Variants in SYT14 observed in about 807,000 individuals in gnomAD.
SYT14 encodes the protein synaptotagmin 14, also known as synaptotagmin-14.
A neutral mutation model predicts 74.2 loss-of-function variants in SYT14; 32 were observed. The observed-to-expected ratio is 0.43, with a 90% confidence interval of 0.33 to 0.58. The LOEUF is 0.58. SYT14 is among the 20% of genes least tolerant of loss of function. The pLI, the probability that SYT14 is intolerant of heterozygous loss-of-function variation, is 0.05. For synonymous variants in SYT14, 298 were observed against 337.7 expected, an observed-to-expected ratio of 0.88 and a Z score of 1.29; for missense variants, 791 against 981.8, an observed-to-expected ratio of 0.81 and a Z score of 2.60.
intron 8 of SYT14, chr1:210,156,939 C>G (rs2083282077): frequency 3.2e-6 from 1 of 315,474 alleles, no homozygotes; most frequent in African/African-American, 2.1e-5. Context: ...GGTGATCCAT[C>G]CACTTCGGCC....
At chr1:210,094,033 G>A (rs2081924461) in intron 5 of SYT14, among the ~76,000 whole-genome samples, 1 of 61,708 alleles carries the variant, frequency 1.6e-5, no homozygotes, top group African/African-American at 1.7e-4. Flanking sequence ...AGACAAATAA[G>A]CTGTTTAATA....
intron 7 of SYT14, among the ~76,000 whole-genome samples, chr1:210,138,799 AATTTT>A (rs1188377627): frequency 2.0e-5 from 3 of 152,142 alleles, no homozygotes; most frequent in African/African-American, 7.2e-5. Context: ...TTTATCTTTC[AATTTT>A]CTTGGTCAGT....
intron 5 of SYT14, among the ~76,000 whole-genome samples, chr1:210,067,167 C>T (rs1006545690): frequency 1.3e-5 from 2 of 152,004 alleles, no homozygotes; most frequent in African/African-American, 4.8e-5. Context: ...TGTCTGTCCT[C>T]TTGCCAGTAC....
chr1:210,021,308 T>C, intron 5 of SYT14, 54 bp downstream of exon 4: 1 of 1,494,384 alleles, frequency 6.7e-7, no homozygotes, highest in Non-Finnish European at 9.3e-7. Flanking sequence ...ATTTGATTAC[T>C]TGTGCCTGAA....
At chr1:210,124,919 G>C (rs1420381498) in intron 7 of SYT14, among the ~76,000 whole-genome samples, 1 of 151,614 alleles carries the variant, frequency 6.6e-6, no homozygotes, top group Non-Finnish European at 1.5e-5. Context: ...AGATTCTGTA[G>C]CATTCTGGAT....
chr1:210,153,893 T>G lies in SYT14; in HGVS notation c.2035-1828T>G, dbSNP rs76757387. 3.3e-3 allele frequency among the ~76,000 whole-genome samples: 499 copies of G among 152,332 alleles called. 2 individuals are homozygous for G. Among genetic ancestry groups the G allele is most frequent in the East Asian group, 8.1e-3 (42 of 5,190 alleles). On this transcript the variant is annotated intron_variant, in intron 7 of 9. Coordinates refer to ENST00000637265, the Ensembl canonical transcript of SYT14. Reference sequence around the variant, plus strand: ...TGTTGCTAGATTTGGTTTGCTGATGTATATTTAGGATTTTTTCATCTAGAT... The same window carrying G: ...TGTTGCTAGATTTGGTTTGCTGATGGATATTTAGGATTTTTTCATCTAGAT...
Position 209,952,668 on chromosome 1 carries a change from A to G in SYT14, c.-533-41A>G. On this transcript the variant is annotated intron_variant, in intron 1 of 9. Transcript: ENST00000637265. Reference sequence around the variant, plus strand: ...TCTTTGTAACAGTCAGATTCATGCTACTTTCTATGTTTTTAACTTCCCATA... The same window carrying G: ...TCTTTGTAACAGTCAGATTCATGCTGCTTTCTATGTTTTTAACTTCCCATA... The G allele has an allele frequency of 2.0e-6, 3 of 1,518,900 alleles. No homozygotes were observed. The South Asian group carries it at 3.4e-5, about 17-fold the overall frequency. The allele number at this position is 1,518,900 out of a possible 1,614,324, so 94.1% of individuals were successfully genotyped here. A position where few individuals can be genotyped will look rare whatever the true frequency, so the allele number is the denominator to read the frequency against.
At chr1:209,976,119 G>A (rs567158726) in intron 2 of SYT14, among the ~76,000 whole-genome samples, 3 of 151,850 alleles carry the variant, frequency 2.0e-5, no homozygotes, top group South Asian at 4.2e-4. Context: ...TCTTGCTAGC[G>A]GTTTATCAAT....
At chr1:209,952,913 A>G (rs2078934751) in intron 2 of SYT14, 157 bp downstream of exon 2, 3 of 1,049,380 alleles carry the variant, frequency 2.9e-6, no homozygotes, top group Non-Finnish European at 2.8e-6. Context: ...AGTAAAGTGC[A>G]TATTACTTAT....
exon 10 of SYT14, chr1:210,163,683 T>C (rs987800118): frequency 1.2e-4 from 54 of 453,672 alleles, no homozygotes; most frequent in Non-Finnish European, 2.3e-4. Flanking sequence ...TTTCTGTAGA[T>C]TGACACAACT....
chr1:209,977,418 C>T (rs935237239), intron 2 of SYT14, among the ~76,000 whole-genome samples: 3 of 152,182 alleles, frequency 2.0e-5, no homozygotes, highest in Non-Finnish European at 4.4e-5. Context: ...CAAAATCTCT[C>T]ACCGTTTGCT....
chr1:210,086,652 C>T (rs2081738935), intron 5 of SYT14, among the ~76,000 whole-genome samples: 1 of 152,142 alleles, frequency 6.6e-6, no homozygotes, highest in African/African-American at 2.4e-5. Flanking sequence ...GAAGCCAAGA[C>T]CCAGGCGCTC....
At chr1:210,158,287 G>A (rs1301857049) in intron 8 of SYT14, among the ~76,000 whole-genome samples, 1 of 152,194 alleles carries the variant, frequency 6.6e-6, no homozygotes, top group Non-Finnish European at 1.5e-5. Context: ...ATAGGTGAAA[G>A]TTGGGGAGAT....
chr1:209,981,450 C>CTTT lies in SYT14; in HGVS notation c.-486+28711_-486+28713dup, dbSNP rs1183885685. 8.9e-4 allele frequency among the ~76,000 whole-genome samples: 88 copies of CTTT among 99,076 alleles called. 1 individual carries two copies. The highest frequency in any genetic ancestry group is 7.5e-3 in the Middle Eastern group (1 of 134). 65.0% of individuals were successfully genotyped at this position (99,076 alleles called of 152,430 possible). A position where few individuals can be genotyped will look rare whatever the true frequency, so the allele number is the denominator to read the frequency against. ...TTCTTTTTCTTTTTCTTTTTCTTTT[C>CTTT]TTTTTTTTTTTTTTTTTTTGAGGCA... On this transcript the variant is annotated intron_variant, in intron 2 of 9. Transcript: ENST00000637265.
intron 7 of SYT14, among the ~76,000 whole-genome samples, chr1:210,131,587 A>T (rs959472061): frequency 1.3e-5 from 2 of 151,650 alleles, no homozygotes; most frequent in Non-Finnish European, 1.5e-5. Flanking sequence ...TTACATTTAT[A>T]TTTATTTCTA....
intron 2 of SYT14, among the ~76,000 whole-genome samples, chr1:209,976,609 G>C (rs1203911474): frequency 6.6e-6 from 1 of 151,458 alleles, no homozygotes; most frequent in South Asian, 2.1e-4. Context: ...TTGCTGAGGA[G>C]TCCTTTACTT....
intron 7 of SYT14, among the ~76,000 whole-genome samples, chr1:210,154,880 C>T (rs1016716782): frequency 1.3e-5 from 2 of 152,122 alleles, no homozygotes; most frequent in African/African-American, 4.8e-5. Flanking sequence ...TAATATTCTG[C>T]ATATGACCAT....
chr1:210,096,041 A>G (rs1284005384), intron 6 of SYT14, among the ~76,000 whole-genome samples: 1 of 152,194 alleles, frequency 6.6e-6, no homozygotes, highest in Non-Finnish European at 1.5e-5. Context: ...GAATTTTGCT[A>G]TGAGCTTTAT....
chr1:210,076,634 G>A (rs1209340272), intron 5 of SYT14, among the ~76,000 whole-genome samples: 1 of 152,212 alleles, frequency 6.6e-6, no homozygotes, highest in East Asian at 1.9e-4. Context: ...TGTACAGGAA[G>A]TATAGCAGCT....
Sources: allele counts gnomAD v4.1 joint callset (sites outside exome capture counted in the v4.1 genomes callset), GRCh38; gene constraint gnomAD v4.1.1; transcripts MANE v1.5; gene names NCBI Gene and HGNC (gene_info 2026-07-23, HGNC 2026-07-21).